The following FAM193A variants were observed in gnomAD, a reference collection of about 807,000 sequenced individuals.
FAM193A encodes the protein protein FAM193A.
FAM193A carries 22 observed loss-of-function variants against 126.5 expected under a neutral mutation model. The ratio of observed to expected loss-of-function variants is 0.17; its 90% confidence interval spans 0.12 to 0.25. The LOEUF (loss-of-function observed/expected upper bound fraction) is 0.25. Among genes scored for constraint, FAM193A ranks in the 10% least tolerant of loss-of-function variants. The pLI is 1.00. For missense variants in FAM193A, 1,675 were observed against 1,672.8 expected (o/e 1.00, Z -0.02); for synonymous variants, 761 against 646.8 (o/e 1.18, Z -2.68).
In FAM193A at chr4:2,646,655, T is replaced by A. The variant is rs773201513; in HGVS notation, c.1164-30T>A. ...TCTGCTTCAGAGCCTTTGGGTTCTT[T>A]CCTTTGTTACAAGGCCTTCTCTCTC... is the stretch of plus-strand genomic sequence containing the variant. On this transcript the variant is annotated intron_variant, in intron 6 of 20. Transcript: ENST00000637812. 3.8e-6 allele frequency: 6 copies of A among 1,567,472 alleles called. No individual in the cohort carries two copies. In the East Asian group the frequency reaches 1.4e-4, roughly 37 times the overall value.
At chr4:2,622,217 A>G (rs1742587680) in intron 2 of FAM193A, among the ~76,000 whole-genome samples, 1 of 133,976 alleles carries the variant, frequency 7.5e-6, no homozygotes, top group African/African-American at 2.9e-5. Flanking sequence ...AGATTGCACC[A>G]CTGCACTCCA....
chr4:2,606,045 CTTTTTTTT>C (rs1170025017), intron 2 of FAM193A, among the ~76,000 whole-genome samples: 1 of 61,008 alleles, frequency 1.6e-5, no homozygotes, highest in African/African-American at 6.8e-5. Flanking sequence ...TTGCAAACCT[CTTTTTTTT>C]TTTTTTTTTT....
chr4:2,728,238 ATTTTTTTTTTT>A lies in FAM193A; in HGVS notation c.4455-3522_4455-3512del, dbSNP rs58609064. Among the ~76,000 whole-genome samples the A allele has an allele frequency of 1.3e-4, 11 of 82,064 alleles. 1 individual carries two copies. Among genetic ancestry groups the A allele is most frequent in the African/African-American group, 2.9e-4 (6 of 20,492 alleles). 53.8% of individuals were successfully genotyped at this position (82,064 alleles called of 152,430 possible). On this transcript the variant is annotated intron_variant, in intron 20 of 20. Coordinates refer to ENST00000637812, the MANE Select transcript of FAM193A (RefSeq NM_001366318.2). ...GGCGTGAGCTGCCACACCCGGCCCA[ATTTTTTTTTTT>A]TTTTTTTTTTTTTTGGTAGAGAAGG...
chr4:2,650,382 A>G (rs1479934372), intron 7 of FAM193A, among the ~76,000 whole-genome samples: 1 of 152,172 alleles, frequency 6.6e-6, no homozygotes, highest in Non-Finnish European at 1.5e-5. Context: ...ATCAGTAGAC[A>G]CTGTGAAGGA....
chr4:2,659,726 A>C, intron 9 of FAM193A, 56 bp downstream of exon 9: 1 of 1,611,566 alleles, frequency 6.2e-7, no homozygotes, highest in South Asian at 1.1e-5. Context: ...CACTGGGCTG[A>C]GTGGAGGCCT....
intron 1 of FAM193A, among the ~76,000 whole-genome samples, chr4:2,566,964 G>A (rs1292241939): frequency 6.7e-6 from 1 of 150,132 alleles, no homozygotes; most frequent in Non-Finnish European, 1.5e-5. Context: ...TTTTGAGACG[G>A]AGTCTCGCTC....
intron 2 of FAM193A, among the ~76,000 whole-genome samples, chr4:2,623,430 A>G (rs1260551025): frequency 1.3e-5 from 2 of 151,562 alleles, no homozygotes; most frequent in African/African-American, 2.4e-5. Context: ...TTGGCCTCCC[A>G]AAGTGCTGGG....
rs1018020030 is a variant in FAM193A, at chr4:2,596,039, T to A, written c.256-45T>A. On this transcript the variant is annotated intron_variant, in intron 1 of 20. Transcript: ENST00000637812. ...TACATATATTTTAATATTCTTGGCT[T>A]TGTAGATGAGGTTTTGAAAATAGAA... The A allele has an allele frequency of 2.4e-5, 16 of 669,802 alleles. No homozygotes were observed. In the African/African-American group the frequency reaches 2.7e-4, roughly 11 times the overall value. 41.5% of individuals were successfully genotyped at this position (669,802 alleles called of 1,614,324 possible).
chr4:2,659,924 C>T lies in FAM193A; in HGVS notation c.1615C>T (p.Pro539Ser), dbSNP rs928706053. 1 of 1,614,192 alleles carries T rather than the reference C, an allele frequency of 6.2e-7. No individual in the cohort carries two copies. Among genetic ancestry groups the T allele is most frequent in the South Asian group, 1.1e-5 (1 of 91,084 alleles). The change falls in exon 10 of 21, where the codon CCT (proline) becomes TCT (serine). Residue 539 changes from proline to serine, a missense_variant. Around this residue, in one of 4 missense-constraint regions of FAM193A, gnomAD observed 1,186 missense variants for 1,109.2 expected, o/e 1.07. Coordinates refer to ENST00000637812, the MANE Select transcript of FAM193A (RefSeq NM_001366318.2). ...GCTCCCACTTCAAGTGGATCCTGCT[C>T]CTGACTATCTTGCTGAGAGGAGCCC... ...HQLPLQVDPA[P>S]DYLAERSPPS...
chr4:2,619,588 G>A (rs114559499), intron 2 of FAM193A, among the ~76,000 whole-genome samples: 2,645 of 152,094 alleles, frequency 0.017, 60 homozygotes, highest in African/African-American at 0.051. Context: ...GGCTGCTCTC[G>A]AATTCCTGAC....
At chr4:2,625,881 G>A (rs1048520090) in intron 3 of FAM193A, among the ~76,000 whole-genome samples, 3 of 152,006 alleles carry the variant, frequency 2.0e-5, no homozygotes, top group South Asian at 4.1e-4. Context: ...GCACCACCAT[G>A]TCGGGCTAAT....
chr4:2,537,425 C>T (rs1331692043), intron 1 of FAM193A, among the ~76,000 whole-genome samples: 1 of 152,176 alleles, frequency 6.6e-6, no homozygotes, highest in Non-Finnish European at 1.5e-5. Flanking sequence ...GAGGGCTACA[C>T]CGGGGCCGCC....
rs1716896118 is a variant in FAM193A at position 2,695,195 on chromosome 4, A to G, written c.3276+66A>G. On this transcript the variant is annotated intron_variant, in intron 17 of 20. Coordinates refer to ENST00000637812, the MANE Select transcript of FAM193A (RefSeq NM_001366318.2). ...GCAACACACGGGCTCCTTTGCAGAAATTCTGTACTAGGTTGAATTCGGGGT... is the reference window on the plus strand; with the variant it reads ...GCAACACACGGGCTCCTTTGCAGAAGTTCTGTACTAGGTTGAATTCGGGGT... 5.8e-6 allele frequency: 8 copies of G among 1,387,022 alleles called. No individual in the cohort carries two copies. In the East Asian group the frequency reaches 1.9e-4, roughly 32 times the overall value. 85.9% of individuals were successfully genotyped at this position (1,387,022 alleles called of 1,614,324 possible).
chr4:2,573,117 C>G (rs902393512), intron 1 of FAM193A, among the ~76,000 whole-genome samples: 1 of 152,012 alleles, frequency 6.6e-6, no homozygotes, highest in African/African-American at 2.4e-5. Flanking sequence ...CTTCTTCTTC[C>G]TTTTTTTCCC....
intron 6 of FAM193A, among the ~76,000 whole-genome samples, chr4:2,640,840 C>G (rs1464425827): frequency 2.0e-5 from 3 of 151,838 alleles, no homozygotes; most frequent in Non-Finnish European, 4.4e-5. Context: ...TGGCACATAC[C>G]TGTGATCCTG....
At chr4:2,592,807 G>A (rs1740644755) in intron 1 of FAM193A, among the ~76,000 whole-genome samples, 1 of 152,192 alleles carries the variant, frequency 6.6e-6, no homozygotes, top group Non-Finnish European at 1.5e-5. Flanking sequence ...CCAGCTGAGG[G>A]CGCATAAGCA....
At chr4:2,715,044 C>T (rs1215704422) in intron 19 of FAM193A, among the ~76,000 whole-genome samples, 1 of 152,208 alleles carries the variant, frequency 6.6e-6, no homozygotes, top group Non-Finnish European at 1.5e-5. Flanking sequence ...AATTCTCAAA[C>T]TTGCCTGAGA....
chr4:2,595,925 C>T (rs1441024919), intron 1 of FAM193A, among the ~76,000 whole-genome samples, 159 bp from the exon 2 acceptor site: 2 of 152,134 alleles, frequency 1.3e-5, no homozygotes, highest in African/African-American at 4.8e-5. Flanking sequence ...TTACGAGTTT[C>T]TAGAACATTA....
At chr4:2,700,981 G>A (rs928163372) in intron 19 of FAM193A, among the ~76,000 whole-genome samples, 10 of 151,698 alleles carry the variant, frequency 6.6e-5, no homozygotes, top group Admixed American at 2.6e-4. Flanking sequence ...CATATAGAGA[G>A]AGAGAGGATT....
Sources: gnomAD v4.1 joint callset for allele counts (sites outside exome capture counted in the v4.1 genomes callset) on GRCh38, gnomAD v4.1.1 for gene constraint, gnomAD v4.1.1 regional missense constraint, MANE v1.5 for transcripts, NCBI Gene and HGNC (gene_info 2026-07-23, HGNC 2026-07-21) for gene names.